RALYL: variants seen among roughly 807,000 people sequenced by gnomAD.
RALYL encodes the protein RALY RNA binding protein like, also known as RNA-binding Raly-like protein.
A neutral mutation model predicts 35.1 loss-of-function variants in RALYL; 29 were observed. That is an observed-to-expected ratio of 0.83 (90% CI 0.61 to 1.13). RALYL has a LOEUF of 1.13. RALYL is among the 50% of genes most tolerant of loss of function. The pLI is 0.00. For missense variants in RALYL, 359 were observed against 360.4 expected (o/e 1.00, Z 0.03); for synonymous variants, 120 against 127.6 (o/e 0.94, Z 0.40).
intron 2 of RALYL, among the ~76,000 whole-genome samples, chr8:84,730,611 G>A (rs1410782470): frequency 2.0e-5 from 3 of 152,208 alleles, no homozygotes; most frequent in South Asian, 4.1e-4. Flanking sequence ...GTTGGCAGAC[G>A]ACATGATTGT....
intron 1 of RALYL, among the ~76,000 whole-genome samples, chr8:84,217,593 G>A (rs1036233927): frequency 2.0e-5 from 3 of 152,008 alleles, no homozygotes; most frequent in East Asian, 1.9e-4. Flanking sequence ...AGTTGGAAAC[G>A]TAAGGTTTTT....
At chr8:84,799,546 C>T (rs941142866) in intron 3 of RALYL, among the ~76,000 whole-genome samples, 1 of 152,278 alleles carries the variant, frequency 6.6e-6, no homozygotes, top group South Asian at 2.1e-4. Context: ...ACAGCAACAA[C>T]AGAACTAGAA....
At chr8:84,438,620 G>A (rs577928715) in intron 1 of RALYL, among the ~76,000 whole-genome samples, 2 of 151,890 alleles carry the variant, frequency 1.3e-5, no homozygotes, top group Admixed American at 6.6e-5. Flanking sequence ...TCAGATTCCT[G>A]AGCTCAAGTG....
At chr8:84,683,957 C>T (rs1768823501) in intron 2 of RALYL, among the ~76,000 whole-genome samples, 1 of 152,174 alleles carries the variant, frequency 6.6e-6, no homozygotes, top group Admixed American at 6.6e-5. Flanking sequence ...CCACCTCAGC[C>T]TCCCAAAGTG....
intron 1 of RALYL, among the ~76,000 whole-genome samples, chr8:84,384,238 G>A (rs180764312): frequency 2.6e-4 from 40 of 151,766 alleles, no homozygotes; most frequent in African/African-American, 9.4e-4. Flanking sequence ...CAGCTCACAG[G>A]GTTGTTGAAA....
chr8:84,348,553 G>T (rs945633172), intron 1 of RALYL, among the ~76,000 whole-genome samples: 9 of 151,952 alleles, frequency 5.9e-5, no homozygotes, highest in South Asian at 2.1e-4. Context: ...CTGTATAAAG[G>T]GTCTGATCAA....
chr8:84,186,976 C>T (rs1039530133), intron 1 of RALYL, among the ~76,000 whole-genome samples: 5 of 152,008 alleles, frequency 3.3e-5, no homozygotes, highest in Non-Finnish European at 5.9e-5. Context: ...ATTCGCCAAG[C>T]GACCCACAGG....
intron 2 of RALYL, among the ~76,000 whole-genome samples, chr8:84,726,982 A>G (rs1163861104): frequency 6.6e-6 from 1 of 152,082 alleles, no homozygotes; most frequent in Non-Finnish European, 1.5e-5. Context: ...AAGGATGGGT[A>G]GACTATCAAT....
At chr8:84,558,753 G>C (rs1177943859) in intron 2 of RALYL, among the ~76,000 whole-genome samples, 1 of 152,102 alleles carries the variant, frequency 6.6e-6, no homozygotes, top group Non-Finnish European at 1.5e-5. Context: ...TATGGATGTA[G>C]TTTTTCAACA....
In RALYL at chr8:84,574,653, T is replaced by C. The variant is rs549655151; in HGVS notation, c.256+45076T>C. On this transcript the variant is annotated intron_variant, in intron 2 of 8. Coordinates refer to ENST00000521268, the MANE Select transcript of RALYL (RefSeq NM_173848.7). ...ATACCTCACATGTTTCTTGTCTCTG[T>C]TTTCTCAGTCTTGTGCTGCCTACTT... Among the ~76,000 whole-genome samples, 108 of 152,228 alleles carry C rather than the reference T, an allele frequency of 7.1e-4. 1 individual carries two copies. The highest frequency in any genetic ancestry group is 2.5e-3 in the African/African-American group (102 of 41,550).
At chr8:84,722,843 T>A (rs1325426454) in intron 2 of RALYL, among the ~76,000 whole-genome samples, 1 of 133,306 alleles carries the variant, frequency 7.5e-6, no homozygotes, top group Non-Finnish European at 1.5e-5. Context: ...GGAGAATAAC[T>A]GTGTTTGAAT....
At chr8:84,281,676 A>T (rs1284816884) in intron 1 of RALYL, among the ~76,000 whole-genome samples, 1 of 151,952 alleles carries the variant, frequency 6.6e-6, no homozygotes, top group Admixed American at 6.6e-5. Context: ...TAATCTACTC[A>T]CCTGAAAGTA....
At chr8:84,877,213 G>A (rs762372761) in intron 7 of RALYL, among the ~76,000 whole-genome samples, 7 of 152,216 alleles carry the variant, frequency 4.6e-5, no homozygotes, top group East Asian at 1.9e-4. Flanking sequence ...GTGGCCGGCC[G>A]CGGTGGCTCA....
intron 2 of RALYL, among the ~76,000 whole-genome samples, chr8:84,585,501 C>T (rs1022249054): frequency 2.6e-5 from 4 of 151,990 alleles, no homozygotes; most frequent in African/African-American, 7.2e-5. Context: ...GTACAGTTAA[C>T]GTGTATATAC....
At chr8:84,537,068 T>A (rs1204916245) in intron 2 of RALYL, among the ~76,000 whole-genome samples, 4 of 151,456 alleles carry the variant, frequency 2.6e-5, no homozygotes, top group Non-Finnish European at 5.9e-5. Context: ...TATGTAGAGA[T>A]GGCTACTATA....
At chr8:84,773,473 T>G (rs180696276) in intron 2 of RALYL, among the ~76,000 whole-genome samples, 127 of 152,348 alleles carry the variant, frequency 8.3e-4, no homozygotes, top group African/African-American at 3.0e-3. Context: ...CTTTGTTCAA[T>G]CTAGTTATTT....
chr8:84,669,396 G>A (rs1391815021), intron 2 of RALYL, among the ~76,000 whole-genome samples: 1 of 151,170 alleles, frequency 6.6e-6, no homozygotes, highest in Non-Finnish European at 1.5e-5. Flanking sequence ...GGGGGTACCC[G>A]TGCAGGTTTG....
chr8:84,770,195 C>T (rs368171122), intron 2 of RALYL, among the ~76,000 whole-genome samples: 77 of 152,184 alleles, frequency 5.1e-4, no homozygotes, highest in African/African-American at 1.8e-3. Context: ...CCCTTCACCC[C>T]CTCCCACCTT....
intron 1 of RALYL, among the ~76,000 whole-genome samples, chr8:84,186,421 A>C (rs1480592215): frequency 6.6e-6 from 1 of 152,228 alleles, no homozygotes; most frequent in East Asian, 1.9e-4. Flanking sequence ...AAAATGCAAG[A>C]CAATTTATGT....
Sources: allele counts gnomAD v4.1 joint callset (sites outside exome capture counted in the v4.1 genomes callset), GRCh38; gene constraint gnomAD v4.1.1; transcripts MANE v1.5; gene names NCBI Gene and HGNC (gene_info 2026-07-23, HGNC 2026-07-21).